NFKB1: variants seen among roughly 807,000 people sequenced by gnomAD.
NFKB1 encodes the protein nuclear factor NF-kappa-B p105 subunit.
A neutral mutation model predicts 105.1 loss-of-function variants in NFKB1; 9 were observed. The ratio of observed to expected loss-of-function variants is 0.09; its 90% CI spans 0.05 to 0.15. The LOEUF is 0.15. Ranked by LOEUF, NFKB1 falls within the 10% of genes least tolerant of loss-of-function variation. The pLI is 1.00. For synonymous variants in NFKB1, 440 were observed against 442.2 expected, an observed-to-expected ratio of 1.00 and a Z score of 0.06; for missense variants, 830 against 1,203.7, an observed-to-expected ratio of 0.69 and a Z score of 4.59.
chr4:102,607,888 C>T, intron 19 of NFKB1, 137 bp downstream of exon 19: 2 of 727,656 alleles, frequency 2.7e-6, no homozygotes, highest in Admixed American at 4.2e-5. Flanking sequence ...AATTATATGG[C>T]AAATCACATT....
intron 23 of NFKB1, 118 bp from the exon 24 acceptor site, chr4:102,616,316 G>A (rs1728935563): frequency 2.0e-6 from 2 of 1,019,378 alleles, no homozygotes; most frequent in African/African-American, 1.6e-5. Flanking sequence ...CAGTGAGGGT[G>A]GCATAGGTGG....
rs745758938 is a variant in NFKB1, at chr4:102,533,965, T to C, written c.159+80T>C. ...ATCATAAGCACTGAAGAATAGTAAA[T>C]GAGTTCTATGAAGGAAGTAGTTTAT... On this transcript the variant is annotated intron_variant, in intron 4 of 23. Coordinates refer to ENST00000226574, the MANE Select transcript of NFKB1 (RefSeq NM_003998.4). 1.3e-5 allele frequency: 16 copies of C among 1,201,864 alleles called. No homozygotes were observed. The African/African-American group carries it at 2.5e-4, about 18-fold the overall frequency. 74.4% of individuals were successfully genotyped at this position (1,201,864 alleles called of 1,614,324 possible).
chr4:102,565,134 C>A (rs1030491803), intron 5 of NFKB1, among the ~76,000 whole-genome samples: 1 of 94,768 alleles, frequency 1.1e-5, no homozygotes. Flanking sequence ...TAGCTTTATA[C>A]CCAGAGTTTT....
At chr4:102,613,367 C>G in intron 22 of NFKB1, 58 bp from the exon 23 acceptor site, 1 of 1,579,456 alleles carries the variant, frequency 6.3e-7, no homozygotes, top group South Asian at 1.1e-5. Flanking sequence ...TCAGTGCTTA[C>G]AGCCTGCACT....
intron 21 of NFKB1, 87 bp from the exon 22 acceptor site, chr4:102,612,347 G>A (rs1728500190): frequency 7.1e-7 from 1 of 1,416,806 alleles, no homozygotes; most frequent in Admixed American, 1.8e-5. Flanking sequence ...ACTGGGAGTT[G>A]GACAGCAAGC....
intron 5 of NFKB1, among the ~76,000 whole-genome samples, chr4:102,560,716 G>T (rs1170719234): frequency 6.6e-6 from 1 of 152,164 alleles, no homozygotes; most frequent in Admixed American, 6.5e-5. Context: ...ATGACTTTGG[G>T]TTATGTCACT....
chr4:102,608,456 T>G (rs1728032402), intron 19 of NFKB1, among the ~76,000 whole-genome samples: 1 of 152,224 alleles, frequency 6.6e-6, no homozygotes, highest in Non-Finnish European at 1.5e-5. Flanking sequence ...AAGACTTTAT[T>G]CTCTGTACTA....
At chr4:102,519,050 C>A (rs1007681530) in intron 1 of NFKB1, among the ~76,000 whole-genome samples, 2 of 151,944 alleles carry the variant, frequency 1.3e-5, no homozygotes, top group African/African-American at 4.8e-5. Flanking sequence ...AAAAGTGTGG[C>A]CATTGATTTC....
chr4:102,502,390 GCACACACACACA>G (rs754187388), intron 1 of NFKB1, among the ~76,000 whole-genome samples: 7 of 105,396 alleles, frequency 6.6e-5, no homozygotes, highest in African/African-American at 2.1e-4. Context: ...GCGCGCGCGC[GCACACACACACA>G]CACACACACA....
intron 8 of NFKB1, among the ~76,000 whole-genome samples, chr4:102,580,264 T>C (rs1275366849): frequency 2.6e-5 from 4 of 152,202 alleles, no homozygotes; most frequent in Non-Finnish European, 5.9e-5. Flanking sequence ...GAAAAGCTCT[T>C]TCTCTTTTTG....
chr4:102,513,422 A>C (rs1308733976), intron 1 of NFKB1, among the ~76,000 whole-genome samples: 1 of 152,230 alleles, frequency 6.6e-6, no homozygotes, highest in African/African-American at 2.4e-5. Context: ...ATTACTCTTA[A>C]TTACAATATA....
Position 102,607,670 on chromosome 4 carries a change from A to G in NFKB1, c.2146A>G (p.Thr716Ala). 6.2e-7 allele frequency: 1 copy of G among 1,614,116 alleles called. No individual in the cohort carries two copies. The highest frequency in any genetic ancestry group is 8.5e-7 in the Non-Finnish European group (1 of 1,180,008). ...GTAGGGTGATGCCCATGTGGACAGT[A>G]CTACCTACGATGGAACCACACCCCT... is the stretch of plus-strand genomic sequence containing the variant. Reference protein sequence around the residue: ...LLEGDAHVDSTTYDGTTPLHI... With the variant: ...LLEGDAHVDSATYDGTTPLHI... The change falls in exon 19 of 24, where the codon ACT (threonine) becomes GCT (alanine). Residue 716 changes from threonine to alanine, a missense_variant. Thr to Ala is a moderately conservative substitution (Grantham distance 58, BLOSUM62 0). Coordinates refer to ENST00000226574, the MANE Select transcript of NFKB1 (RefSeq NM_003998.4).
At chr4:102,529,794 G>C (rs1201729176) in intron 2 of NFKB1, 42 bp from the exon 3 acceptor site, 19 of 1,425,452 alleles carry the variant, frequency 1.3e-5, no homozygotes, top group Non-Finnish European at 1.8e-5. Flanking sequence ...ATATAATATA[G>C]GAAAAATAAT....
chr4:102,562,103 G>A (rs567326433), intron 5 of NFKB1, among the ~76,000 whole-genome samples: 2 of 152,210 alleles, frequency 1.3e-5, no homozygotes, highest in South Asian at 4.1e-4. Context: ...TAATGGGTAG[G>A]TCCAAGGAGG....
chr4:102,607,931 A>T (rs956056519), intron 19 of NFKB1, among the ~76,000 whole-genome samples, 180 bp downstream of exon 19: 1 of 152,198 alleles, frequency 6.6e-6, no homozygotes, highest in Non-Finnish European at 1.5e-5. Context: ...TGGACTAGTA[A>T]TCTTGGGCTT....
chr4:102,574,603 C>T (rs1015255529), intron 6 of NFKB1, among the ~76,000 whole-genome samples: 1 of 152,158 alleles, frequency 6.6e-6, no homozygotes, highest in Non-Finnish European at 1.5e-5. Context: ...GTTCCTCCTT[C>T]CTGTGCTGCA....
chr4:102,557,188 C>A (rs1723049853), intron 5 of NFKB1: 1 of 152,208 alleles, frequency 6.6e-6, no homozygotes, highest in Admixed American at 6.5e-5. Context: ...AGAATCTCAA[C>A]TGCAGATATC....
At chr4:102,526,824 AAAATGTTGGAAAAAATAAATAG>A (rs1740943344) in intron 2 of NFKB1, among the ~76,000 whole-genome samples, 1 of 152,144 alleles carries the variant, frequency 6.6e-6, no homozygotes, top group Non-Finnish European at 1.5e-5. Flanking sequence ...TTTATTTTGA[AAAATGTTGGAAAAAATAAATAG>A]AAATGTTGGA....
At chr4:102,552,466 T>C (rs1291881735) in intron 5 of NFKB1, among the ~76,000 whole-genome samples, 2 of 152,304 alleles carry the variant, frequency 1.3e-5, no homozygotes, top group Middle Eastern at 3.4e-3. Flanking sequence ...TGTCACTGAA[T>C]TGGTTCAAAA....
Sources: allele counts gnomAD v4.1 joint callset (sites outside exome capture counted in the v4.1 genomes callset), GRCh38; gene constraint gnomAD v4.1.1; transcripts MANE v1.5; gene names NCBI Gene and HGNC (gene_info 2026-07-23, HGNC 2026-07-21).